INTS4: variants seen among roughly 807,000 people sequenced by gnomAD.
The protein encoded by INTS4 is integrator complex subunit 4.
Under a neutral mutation model 119.5 loss-of-function variants are expected in INTS4, and 70 were observed. That is an observed-to-expected ratio of 0.59 (90% CI 0.48 to 0.71). The LOEUF (loss-of-function observed/expected upper bound fraction) is 0.71. INTS4 is among the 30% of genes least tolerant of loss of function. The pLI, the probability that INTS4 is intolerant of heterozygous loss-of-function variation, is 0.00. For synonymous variants in INTS4, 316 were observed against 419.6 expected (o/e 0.75, Z 3.02); for missense variants, 867 against 1,173.2 (o/e 0.74, Z 3.81).
At chr11:77,901,759 G>T (rs1406755968) in intron 17 of INTS4, among the ~76,000 whole-genome samples, 1 of 151,742 alleles carries the variant, frequency 6.6e-6, no homozygotes. Context: ...GACTGACCTG[G>T]TAATAAAATC....
chr11:77,923,315 CAA>C (rs35475320), intron 12 of INTS4, among the ~76,000 whole-genome samples: 344 of 87,974 alleles, frequency 3.9e-3, no homozygotes, highest in Admixed American at 9.4e-3. Flanking sequence ...GACTCTGTCT[CAA>C]AAAAAAAAAA....
intron 1 of INTS4, 65 bp downstream of exon 1, chr11:77,994,525 T>C (rs1565299620): frequency 1.5e-6 from 2 of 1,295,860 alleles, no homozygotes; most frequent in Non-Finnish European, 2.2e-6. Context: ...TCCGGCAAAG[T>C]GCCTGGGATT....
chr11:77,945,489 C>A (rs1475916406), intron 8 of INTS4, among the ~76,000 whole-genome samples: 1 of 152,198 alleles, frequency 6.6e-6, no homozygotes, highest in African/African-American at 2.4e-5. Flanking sequence ...TGATGGCCTG[C>A]AGCACCATAA....
chr11:77,891,231 C>T, intron 21 of INTS4, 88 bp downstream of exon 21: 1 of 1,297,122 alleles, frequency 7.7e-7, no homozygotes, highest in Non-Finnish European at 1.1e-6. Context: ...GTTTCTGTCC[C>T]TCAAGTAGAG....
In INTS4 at chr11:77,932,964, G is replaced by A. The variant is rs190074298; in HGVS notation, c.1166-4417C>T. ...CACACACTGGGGCCTGTCAGGGGGT[G>A]GGGGGCTGGGGGAGGGATAGCATTA... On this transcript the variant is annotated intron_variant, in intron 10 of 22. Transcript: ENST00000534064. Among the ~76,000 whole-genome samples the A allele has an allele frequency of 4.7e-3, 694 of 146,738 alleles. 1 individual carries two copies. Among genetic ancestry groups the A allele is most frequent in the Non-Finnish European group, 8.2e-3 (544 of 66,434 alleles).
chr11:77,932,876 G>A (rs1269012256), intron 10 of INTS4, among the ~76,000 whole-genome samples: 1 of 142,316 alleles, frequency 7.0e-6, no homozygotes, highest in Non-Finnish European at 1.5e-5. Context: ...AACACCACAT[G>A]TTCTCACTCA....
chr11:77,975,863 G>A (rs1855928618), intron 4 of INTS4, among the ~76,000 whole-genome samples: 1 of 151,956 alleles, frequency 6.6e-6, no homozygotes. Flanking sequence ...GGCTGAGGCA[G>A]GAGAATTGCC....
At chr11:77,987,225 T>C (rs193138541) in intron 2 of INTS4, 87 of 155,058 alleles carry the variant, frequency 5.6e-4, no homozygotes, top group African/African-American at 2.1e-3. Flanking sequence ...ATAGTATATA[T>C]CTGAAATGTT....
At chr11:77,984,564 T>C (rs1458338743) in intron 2 of INTS4, among the ~76,000 whole-genome samples, 1 of 151,344 alleles carries the variant, frequency 6.6e-6, no homozygotes, top group Non-Finnish European at 1.5e-5. Flanking sequence ...GGAGGATTAC[T>C]GTTTAATGGG....
chr11:77,929,102 C>T (rs958185839), intron 10 of INTS4, among the ~76,000 whole-genome samples: 6 of 151,946 alleles, frequency 3.9e-5, no homozygotes, highest in Non-Finnish European at 2.9e-5. Flanking sequence ...GTCCCAGCTA[C>T]TCAGGAAGCT....
At chr11:77,917,373 G>A (rs1427114492) in intron 15 of INTS4, among the ~76,000 whole-genome samples, 5 of 147,706 alleles carry the variant, frequency 3.4e-5, no homozygotes, top group Admixed American at 1.4e-4. Context: ...GAGTGCAGTG[G>A]CGCAATCCTG....
chr11:77,991,380 T>C (rs1459227803), intron 1 of INTS4, 81 bp from the exon 2 acceptor site: 8 of 1,069,236 alleles, frequency 7.5e-6, no homozygotes, highest in South Asian at 1.4e-5. Context: ...TTTTCCATTA[T>C]ACCAAATAAT....
chr11:77,983,559 G>C (rs1461489913), intron 2 of INTS4, among the ~76,000 whole-genome samples: 1 of 152,062 alleles, frequency 6.6e-6, no homozygotes, highest in Non-Finnish European at 1.5e-5. Context: ...TATACAAATG[G>C]CCAAATAAAC....
intron 15 of INTS4, chr11:77,918,148 T>C (rs1953247756): frequency 2.9e-6 from 2 of 701,120 alleles, no homozygotes; most frequent in African/African-American, 3.5e-5. Context: ...AGAATGAGCC[T>C]AGGCCGGGCA....
Position 77,891,797 on chromosome 11 carries a change from C to T in INTS4, c.2332G>A (p.Asp778Asn). 6.2e-7 allele frequency: 1 copy of T among 1,611,868 alleles called. No homozygotes were observed. The highest frequency in any genetic ancestry group is 8.5e-7 in the Non-Finnish European group (1 of 1,179,786). ...DLPHLQDSFV[D>N]KLLDLMPRLM... is the part of the protein sequence containing the mutation. ...CGGGGCATAAGGTCAAGGAGTTTGT[C>T]CACAAAGCTGTCCTGCAAGTGGGGC... is the stretch of plus-strand genomic sequence containing the variant. Residue 778 changes from aspartate (D) to asparagine (N), a missense_variant, in exon 20 of 23, where the codon GAC (aspartate) becomes AAC (asparagine). Asp to Asn is a conservative substitution (Grantham distance 23). Around this residue, in one of 5 missense-constraint regions of INTS4, gnomAD observed 262 missense variants for 376.0 expected, o/e 0.70. Transcript: ENST00000534064.
intron 8 of INTS4, among the ~76,000 whole-genome samples, chr11:77,943,249 T>C (rs1953971361): frequency 6.6e-6 from 1 of 152,160 alleles, no homozygotes; most frequent in South Asian, 2.1e-4. Context: ...AAAAATTAAA[T>C]ATCATTACTT....
At chr11:77,960,699 C>T (rs1336918441) in intron 5 of INTS4, among the ~76,000 whole-genome samples, 3 of 152,060 alleles carry the variant, frequency 2.0e-5, no homozygotes, top group African/African-American at 4.8e-5. Context: ...CATATGCCTC[C>T]AAGTCGAAGG....
In INTS4 at chr11:77,878,781, T is replaced by C; in HGVS notation, c.*168A>G. 1 of 706,548 alleles carries C rather than the reference T, an allele frequency of 1.4e-6. No homozygotes were observed. The highest frequency in any genetic ancestry group is 2.5e-6 in the Non-Finnish European group (1 of 392,408). The allele number at this position is 706,548 out of a possible 1,614,324, so 43.8% of individuals were successfully genotyped here. On this transcript the variant is annotated 3_prime_UTR_variant, in exon 23 of 23. Coordinates refer to ENST00000534064, the MANE Select transcript of INTS4 (RefSeq NM_033547.4). ...GGTAAGTAGACTTGAAGGTTTTTTA[T>C]TTTTTAATGAAGAAACAATTTATCC...
intron 22 of INTS4, among the ~76,000 whole-genome samples, chr11:77,879,831 G>A (rs990702382): frequency 6.6e-6 from 1 of 152,164 alleles, no homozygotes; most frequent in African/African-American, 2.4e-5. Flanking sequence ...TACTGAGGAG[G>A]AGCGCAGGAA....
Sources: gnomAD v4.1 joint callset for allele counts (sites outside exome capture counted in the v4.1 genomes callset) on GRCh38, gnomAD v4.1.1 for gene constraint, gnomAD v4.1.1 regional missense constraint, MANE v1.5 for transcripts, NCBI Gene and HGNC (gene_info 2026-07-23, HGNC 2026-07-21) for gene names.